Variants in ONECUT2 observed in about 807,000 individuals in gnomAD.
ONECUT2 encodes one cut domain family member 2.
ONECUT2 carries 10 observed loss-of-function variants against 27.9 expected under a neutral mutation model. The observed-to-expected ratio is 0.36, with a 90% CI of 0.22 to 0.61. ONECUT2 has a LOEUF of 0.61. Among genes scored for constraint, ONECUT2 ranks in the 20% least tolerant of loss-of-function variants. ONECUT2 has a pLI of 0.73. For synonymous variants in ONECUT2, 334 were observed against 315.1 expected, an observed-to-expected ratio of 1.06 and a Z score of -0.64; for missense variants, 686 against 721.0, an observed-to-expected ratio of 0.95 and a Z score of 0.56.
At chr18:57,467,164 T>C (rs1409854485) in intron 1 of ONECUT2, 1 of 456,340 alleles carries the variant, frequency 2.2e-6, no homozygotes, top group African/African-American at 2.0e-5. Context: ...TTTCAGAGAA[T>C]GTCTTTGAAG....
rs1301976082 is a variant in ONECUT2, at chr18:57,478,804, T to A, written c.*2081T>A. ...CCTTTTGTTTCAGTTCATTATCTCC[T>A]CTTGCCTGGCTAAAATACTAATAGC... On this transcript the variant is annotated 3_prime_UTR_variant, in exon 2 of 2. Coordinates refer to ENST00000491143, the MANE Select transcript of ONECUT2 (RefSeq NM_004852.3). 1.3e-5 allele frequency: 2 copies of A among 152,566 alleles called. No individual in the cohort carries two copies. Among genetic ancestry groups the A allele is most frequent in the Non-Finnish European group, 2.9e-5 (2 of 68,048 alleles). 9.5% of individuals were successfully genotyped at this position (152,566 alleles called of 1,614,324 possible). A position where few individuals can be genotyped will look rare whatever the true frequency, so the allele number is the denominator to read the frequency against.
rs2050459726 is a variant in ONECUT2 at position 57,490,442 on chromosome 18, G to A, written c.*13719G>A. ...GTTCTATACTGTTGACTGCTTGATG[G>A]TATTGAAAGGTGACTATAATGAGGG... On this transcript the variant is annotated 3_prime_UTR_variant, in exon 2 of 2. Coordinates refer to ENST00000491143, the MANE Select transcript of ONECUT2 (RefSeq NM_004852.3). 1 of 152,192 alleles carries A rather than the reference G, an allele frequency of 6.6e-6. No individual in the cohort carries two copies. Among genetic ancestry groups the A allele is most frequent in the African/African-American group, 2.4e-5 (1 of 41,438 alleles). 9.4% of individuals were successfully genotyped at this position (152,192 alleles called of 1,614,324 possible).
At chr18:57,467,064 G>C in intron 1 of ONECUT2, 1 of 411,790 alleles carries the variant, frequency 2.4e-6, no homozygotes, top group Non-Finnish European at 4.9e-6. Context: ...TAAGAAAGTC[G>C]TGAGACATCC....
At position 57,491,185 on chromosome 18, in the gene ONECUT2, T is replaced by A. The variant is rs979732428; in HGVS notation, c.*14462T>A. On this transcript the variant is annotated 3_prime_UTR_variant, in exon 2 of 2. Transcript: ENST00000491143. ...CAGTTTTGCTCATTTCCCACCCCAA[T>A]GTTTTGTCTGCAACATCGCTTACAC... 17 of 152,672 alleles carry A rather than the reference T, an allele frequency of 1.1e-4. No homozygotes were observed. Among genetic ancestry groups the A allele is most frequent in the African/African-American group, 4.1e-4 (17 of 41,462 alleles). 9.5% of individuals were successfully genotyped at this position (152,672 alleles called of 1,614,324 possible).
Position 57,435,750 on chromosome 18 carries a change from A to G in ONECUT2, c.34A>G (p.Thr12Ala), listed in dbSNP as rs1465628502. ...KAAYTAYRCL[T>A]KDLEGCAMNP... ...TGCCTACACCGCCTATCGATGCCTC[A>G]CCAAAGACCTAGAAGGCTGCGCCAT... The change falls in exon 1 of 2, where the codon ACC (threonine) becomes GCC (alanine). Residue 12 changes from threonine to alanine, a missense_variant. Coordinates refer to ENST00000491143, the MANE Select transcript of ONECUT2 (RefSeq NM_004852.3). 1.6e-6 allele frequency: 2 copies of G among 1,267,040 alleles called. No homozygotes were observed. The highest frequency in any genetic ancestry group is 2.3e-5 in the Admixed American group (1 of 42,606). The allele number at this position is 1,267,040 out of a possible 1,614,324, so 78.5% of individuals were successfully genotyped here.
rs988912029 is a variant in ONECUT2 at position 57,477,891 on chromosome 18, A to C, written c.*1168A>C. 2.0e-5 allele frequency: 3 copies of C among 152,588 alleles called. No individual in the cohort carries two copies. 9.5% of individuals were successfully genotyped at this position (152,588 alleles called of 1,614,324 possible). The stretch of plus-strand genomic sequence containing the variant: ...AGCAAGAAAAAAAAATCAATCAATC[A>C]AACCTGCATACATGTTACTCATGAC... On this transcript the variant is annotated 3_prime_UTR_variant, in exon 2 of 2. Coordinates refer to ENST00000491143, the MANE Select transcript of ONECUT2 (RefSeq NM_004852.3).
At position 57,436,393 on chromosome 18, in the gene ONECUT2, C is replaced by A. The variant is rs759896828; in HGVS notation, c.677C>A (p.Pro226Gln). 5 of 1,609,764 alleles carry A rather than the reference C, an allele frequency of 3.1e-6. No homozygotes were observed. The highest frequency in any genetic ancestry group is 3.4e-6 in the Non-Finnish European group (4 of 1,179,806). Residue 226 changes from proline to glutamine, a missense_variant, in exon 1 of 2, where the codon CCG becomes CAG. Physicochemically the swap from Pro to Gln is moderately conservative, Grantham distance 76. This residue lies in a region of ONECUT2 where 511 missense variants were observed against 488.1 expected (regional missense o/e 1.05). Coordinates refer to ENST00000491143, the MANE Select transcript of ONECUT2 (RefSeq NM_004852.3). The surrounding 1 kb of genome is among the most constrained non-coding windows in gnomAD (Gnocchi z 5.9). ...CCCGGCATGAGCCAGAGCCTGTCCC[C>A]GCTGGCCGCCACGCCGCTGGGCAAC... The part of the protein sequence containing the change: ...EMPGMSQSLS[P>Q]LAATPLGNGL...
chr18:57,452,668 A>G (rs12958379), intron 1 of ONECUT2, among the ~76,000 whole-genome samples: 12,621 of 152,114 alleles, frequency 0.083, 1,062 homozygotes, highest in East Asian at 0.36. Context: ...CAGGTGATCC[A>G]CTCACCTTGG....
chr18:57,476,065 G>T (rs147835652), intron 1 of ONECUT2, among the ~76,000 whole-genome samples: 2 of 152,038 alleles, frequency 1.3e-5, no homozygotes, highest in African/African-American at 4.8e-5. Context: ...AAGAGGAACT[G>T]CCTCACCAGG....
intron 1 of ONECUT2, among the ~76,000 whole-genome samples, chr18:57,442,094 C>T (rs1355318862): frequency 3.4e-5 from 5 of 148,838 alleles, no homozygotes; most frequent in Non-Finnish European, 7.4e-5. Context: ...TTCCTTCCCG[C>T]TTGTGGGGGA....
intron 1 of ONECUT2, among the ~76,000 whole-genome samples, chr18:57,471,756 C>A (rs1240299010): frequency 1.3e-5 from 2 of 152,172 alleles, no homozygotes; most frequent in African/African-American, 2.4e-5. Flanking sequence ...AATATTATTT[C>A]TTTCAAAAAG....
chr18:57,463,738 A>T (rs1024242983), intron 1 of ONECUT2, among the ~76,000 whole-genome samples: 2 of 152,114 alleles, frequency 1.3e-5, no homozygotes, highest in Admixed American at 6.6e-5. Flanking sequence ...ATTGTAAATG[A>T]TATCATTTTC....
intron 1 of ONECUT2, among the ~76,000 whole-genome samples, chr18:57,440,674 C>T (rs894804968): frequency 5.9e-5 from 9 of 152,260 alleles, no homozygotes; most frequent in African/African-American, 2.2e-4. Context: ...GCAGTGGCTC[C>T]TGCTAGGGGC....
rs608017 is a variant in ONECUT2 at position 57,488,479 on chromosome 18, C to A, written c.*11756C>A. 6.6e-6 allele frequency: 1 copy of A among 152,350 alleles called. No individual in the cohort carries two copies. The highest frequency in any genetic ancestry group is 2.4e-5 in the African/African-American group (1 of 41,324). 9.4% of individuals were successfully genotyped at this position (152,350 alleles called of 1,614,324 possible). On this transcript the variant is annotated 3_prime_UTR_variant, in exon 2 of 2. Transcript: ENST00000491143. ...GTGTACCCAGCCCTTTTTTTAATCA[C>A]AGGCAATGCATGGGTCTGGCTGGTT...
rs2050440190 is a variant in ONECUT2 at position 57,486,671 on chromosome 18, AG to A, written c.*9950del. 1 of 152,668 alleles carries A rather than the reference AG, an allele frequency of 6.6e-6. No homozygotes were observed. The highest frequency in any genetic ancestry group is 1.5e-5 in the Non-Finnish European group (1 of 68,038). The allele number at this position is 152,668 out of a possible 1,614,324, so 9.5% of individuals were successfully genotyped here. On this transcript the variant is annotated 3_prime_UTR_variant, in exon 2 of 2. Transcript: ENST00000491143. ...TTGTGCTTTTGTAATAGATGAAAAA[AG>A]GTGCGCTTAAAAAGAAAATGTATGT... is the stretch of plus-strand genomic sequence containing the variant.
intron 1 of ONECUT2, among the ~76,000 whole-genome samples, chr18:57,468,651 TAG>T (rs2050337440): frequency 6.6e-6 from 1 of 152,276 alleles, no homozygotes; most frequent in African/African-American, 2.4e-5. Flanking sequence ...TGGAGCTGCT[TAG>T]AGCCTGAGCC....
chr18:57,487,139 T>C lies in ONECUT2; in HGVS notation c.*10416T>C, dbSNP rs540227901. ...TGGTAATATTGGTTTTATTGGGAGA[T>C]GTGTCACCTCGAAAATACCCTTTAC... On this transcript the variant is annotated 3_prime_UTR_variant, in exon 2 of 2. Coordinates refer to ENST00000491143, the MANE Select transcript of ONECUT2 (RefSeq NM_004852.3). The C allele has an allele frequency of 5.9e-5, 9 of 152,740 alleles. No individual in the cohort carries two copies. Among genetic ancestry groups the C allele is most frequent in the African/African-American group, 1.9e-4 (8 of 41,570 alleles). 9.5% of individuals were successfully genotyped at this position (152,740 alleles called of 1,614,324 possible). A position where few individuals can be genotyped will look rare whatever the true frequency, so the allele number is the denominator to read the frequency against.
rs564353430 is a variant in ONECUT2, at chr18:57,438,385, G to C, written c.1228+1441G>C. Among the ~76,000 whole-genome samples the C allele has an allele frequency of 1.6e-4, 24 of 152,354 alleles. No individual in the cohort carries two copies. In the South Asian group the frequency reaches 5.0e-3, roughly 32 times the overall value. On this transcript the variant is annotated intron_variant, in intron 1 of 1. Coordinates refer to ENST00000491143, the MANE Select transcript of ONECUT2 (RefSeq NM_004852.3). ...TGGTGGCGATGATTTGCATAGCGCGGGTCTTGGGATGCGCGCGGTTCCGAG... is the reference window on the plus strand; with the variant it reads ...TGGTGGCGATGATTTGCATAGCGCGCGTCTTGGGATGCGCGCGGTTCCGAG...
rs887779597 is a variant in ONECUT2 at position 57,481,012 on chromosome 18, T to TC, written c.*4290dup. On this transcript the variant is annotated 3_prime_UTR_variant, in exon 2 of 2. Transcript: ENST00000491143. The stretch of plus-strand genomic sequence containing the variant: ...CTTGAGGCAACAGAAATCAAAACAC[T>TC]CAGAGCCATTGAGTGGAAAAACAAT... The TC allele has an allele frequency of 3.9e-5, 6 of 152,242 alleles. No homozygotes were observed. The highest frequency in any genetic ancestry group is 1.4e-4 in the African/African-American group (6 of 41,530). The allele number at this position is 152,242 out of a possible 1,614,324, so 9.4% of individuals were successfully genotyped here. A position where few individuals can be genotyped will look rare whatever the true frequency, so the allele number is the denominator to read the frequency against.
Sources: allele counts gnomAD v4.1 joint callset (sites outside exome capture counted in the v4.1 genomes callset), GRCh38; gene constraint gnomAD v4.1.1; regional missense constraint gnomAD v4.1.1; non-coding constraint Gnocchi (gnomAD v3.1); transcripts MANE v1.5; gene names NCBI Gene and HGNC (gene_info 2026-07-23, HGNC 2026-07-21).